Variants in DOCK3 observed in about 807,000 individuals in gnomAD.
DOCK3 encodes the protein dedicator of cytokinesis 3.
In DOCK3, 60 loss-of-function variants were observed where a neutral mutation model predicts 265.6. That is an observed-to-expected ratio of 0.23 (90% CI 0.18 to 0.28). The LOEUF is 0.28. Ranked by LOEUF, DOCK3 falls within the 10% of genes least tolerant of loss-of-function variation. DOCK3 has a pLI of 1.00. For missense variants in DOCK3, 1,981 were observed against 2,594.3 expected (o/e 0.76, Z 5.14); for synonymous variants, 881 against 938.0 (o/e 0.94, Z 1.11).
intron 4 of DOCK3, among the ~76,000 whole-genome samples, chr3:50,911,887 T>A (rs1207640664): frequency 6.6e-6 from 1 of 152,110 alleles, no homozygotes; most frequent in East Asian, 1.9e-4. Flanking sequence ...GATCTTTCAC[T>A]ACCTTGTTTA....
chr3:51,109,805 C>T (rs1308649952), intron 9 of DOCK3, among the ~76,000 whole-genome samples: 1 of 151,910 alleles, frequency 6.6e-6, no homozygotes, highest in Non-Finnish European at 1.5e-5. Context: ...TGGTGGCACA[C>T]ACCTGTAGTC....
intron 21 of DOCK3, among the ~76,000 whole-genome samples, chr3:51,241,721 A>G (rs1352128366): frequency 1.3e-5 from 2 of 152,166 alleles, no homozygotes; most frequent in Non-Finnish European, 2.9e-5. Flanking sequence ...TCTGCTGTTA[A>G]TACTTGCAAT....
At chr3:50,787,570 T>TCA in intron 2 of DOCK3, 1 of 899,076 alleles carries the variant, frequency 1.1e-6, no homozygotes, top group Non-Finnish European at 1.7e-6. Flanking sequence ...TTCTCACAGG[T>TCA]CACACTTAGC....
chr3:50,688,044 A>G (rs907579496), intron 1 of DOCK3, among the ~76,000 whole-genome samples: 1 of 152,218 alleles, frequency 6.6e-6, no homozygotes, highest in Non-Finnish European at 1.5e-5. Flanking sequence ...TTGTCTAATT[A>G]TAGTACTAGC....
At chr3:50,716,092 G>C (rs1424162918) in intron 1 of DOCK3, among the ~76,000 whole-genome samples, 1 of 151,454 alleles carries the variant, frequency 6.6e-6, no homozygotes, top group Admixed American at 6.6e-5. Context: ...GGTCATTTTT[G>C]GTACAGTTTT....
chr3:51,180,207 CAAAAAAAAAA>C (rs769429969), intron 12 of DOCK3, among the ~76,000 whole-genome samples: 1 of 111,280 alleles, frequency 9.0e-6, no homozygotes, highest in Non-Finnish European at 1.8e-5. Flanking sequence ...GACCCTGTCT[CAAAAAAAAAA>C]AAAAAAAAAC....
In DOCK3 at chr3:50,696,516, C is replaced by T. The variant is rs181806542; in HGVS notation, c.37+21216C>T. On this transcript the variant is annotated intron_variant, in intron 1 of 52. Coordinates refer to ENST00000266037, the MANE Select transcript of DOCK3 (RefSeq NM_004947.5). The stretch of plus-strand genomic sequence containing the variant: ...AATATCCCTAAGAGTGAAAGTAGAA[C>T]TGAGTGTTGATGAGTGAATAGGATT... 1.0e-3 allele frequency among the ~76,000 whole-genome samples: 159 copies of T among 152,296 alleles called. 1 individual carries two copies. The highest frequency in any genetic ancestry group is 3.2e-4 in the Non-Finnish European group (22 of 68,030).
In DOCK3 at chr3:50,871,277, A is replaced by C. The variant is rs2047417255; in HGVS notation, c.163-18749A>C. ...CATGTTTTAAGTGTATTTTCCCTGGATACATTATTCTTGGGTAAAAGTTTT... is the reference window on the plus strand; with the variant it reads ...CATGTTTTAAGTGTATTTTCCCTGGCTACATTATTCTTGGGTAAAAGTTTT... On this transcript the variant is annotated intron_variant, in intron 3 of 52. Coordinates refer to ENST00000266037, the MANE Select transcript of DOCK3 (RefSeq NM_004947.5). Among the ~76,000 whole-genome samples, 7 of 150,080 alleles carry C rather than the reference A, an allele frequency of 4.7e-5. No homozygotes were observed. The South Asian group carries it at 1.5e-3, about 31-fold the overall frequency.
At position 51,254,138 on chromosome 3, in the gene DOCK3, C is replaced by A. The variant is rs545940568; in HGVS notation, c.2185-6018C>A. Among the ~76,000 whole-genome samples, 7 of 152,284 alleles carry A rather than the reference C, an allele frequency of 4.6e-5. 2 individuals carry two copies. The highest frequency in any genetic ancestry group is 1.7e-4 in the African/African-American group (7 of 41,570). ...TTTTGTTATGTACCCAGTAGTCATTCAGGAGTAGGTTGTTCAGTTTCCATG... is the reference window on the plus strand; with the variant it reads ...TTTTGTTATGTACCCAGTAGTCATTAAGGAGTAGGTTGTTCAGTTTCCATG... On this transcript the variant is annotated intron_variant, in intron 22 of 52. Transcript: ENST00000266037.
At chr3:50,943,427 A>G (rs973208291) in intron 5 of DOCK3, among the ~76,000 whole-genome samples, 2 of 152,162 alleles carry the variant, frequency 1.3e-5, no homozygotes, top group East Asian at 1.9e-4. Flanking sequence ...AGTACGTTAT[A>G]TAATAAAGTG....
intron 1 of DOCK3, among the ~76,000 whole-genome samples, chr3:50,762,259 AG>A (rs1162287145): frequency 6.6e-6 from 1 of 152,152 alleles, no homozygotes; most frequent in East Asian, 1.9e-4. Context: ...GTATAAAAAA[AG>A]AAAAAAAAAA....
intron 1 of DOCK3, among the ~76,000 whole-genome samples, chr3:50,752,749 G>T (rs1240304543): frequency 6.6e-6 from 1 of 152,034 alleles, no homozygotes; most frequent in East Asian, 1.9e-4. Context: ...CTACACTCCA[G>T]CCTGGGTGAC....
chr3:51,174,141 T>C (rs1203378206), intron 12 of DOCK3, among the ~76,000 whole-genome samples: 1 of 152,134 alleles, frequency 6.6e-6, no homozygotes, highest in East Asian at 1.9e-4. Flanking sequence ...TTTAGTTCCT[T>C]TGATGGTTTC....
chr3:50,844,233 C>T (rs1284032663), intron 3 of DOCK3, among the ~76,000 whole-genome samples: 2 of 152,094 alleles, frequency 1.3e-5, no homozygotes, highest in African/African-American at 4.8e-5. Context: ...AGTGAATGAA[C>T]GAGATTGAGT....
chr3:50,781,391 G>A (rs1292437431), intron 2 of DOCK3, among the ~76,000 whole-genome samples: 1 of 149,654 alleles, frequency 6.7e-6, no homozygotes, highest in Non-Finnish European at 1.5e-5. Context: ...TCAGCCTCCT[G>A]AGTGGCTGGG....
At chr3:50,953,541 C>T (rs977526824) in intron 5 of DOCK3, among the ~76,000 whole-genome samples, 2 of 152,018 alleles carry the variant, frequency 1.3e-5, no homozygotes, top group Admixed American at 6.6e-5. Context: ...AAATTCAGTA[C>T]ATTGAATATA....
chr3:51,375,985 A>G, intron 51 of DOCK3, 150 bp downstream of exon 51: 1 of 796,090 alleles, frequency 1.3e-6, no homozygotes. Flanking sequence ...TCTTGTGCTC[A>G]CTATTTAACC....
chr3:51,023,195 G>A (rs1004701322), intron 5 of DOCK3, among the ~76,000 whole-genome samples: 1 of 150,574 alleles, frequency 6.6e-6, no homozygotes, highest in African/African-American at 2.4e-5. Context: ...TTATTCTTAG[G>A]TTTGGCCATT....
intron 1 of DOCK3, among the ~76,000 whole-genome samples, chr3:50,717,746 C>T (rs1031364720): frequency 1.3e-5 from 2 of 152,138 alleles, no homozygotes. Context: ...CCTCAGCCTC[C>T]CGAGTAGCTG....
Sources: allele counts gnomAD v4.1 joint callset (sites outside exome capture counted in the v4.1 genomes callset), GRCh38; gene constraint gnomAD v4.1.1; transcripts MANE v1.5; gene names NCBI Gene and HGNC (gene_info 2026-07-23, HGNC 2026-07-21).